Variants in TMEFF2 observed in about 807,000 individuals in gnomAD.
TMEFF2 encodes the protein tomoregulin-2.
TMEFF2 carries 28 observed loss-of-function variants against 53.8 expected under a neutral mutation model. The observed-to-expected ratio is 0.52, with a 90% confidence interval of 0.39 to 0.71. The LOEUF is 0.71. TMEFF2 is among the 30% of genes least tolerant of loss of function. The pLI, the probability that TMEFF2 is intolerant of heterozygous loss-of-function variation, is 0.00. For missense variants in TMEFF2, 353 were observed against 455.2 expected (o/e 0.78, Z 2.04); for synonymous variants, 162 against 166.3 (o/e 0.97, Z 0.20).
At chr2:192,134,339 C>T (rs1186079282) in intron 4 of TMEFF2, among the ~76,000 whole-genome samples, 1 of 152,116 alleles carries the variant, frequency 6.6e-6, no homozygotes, top group Non-Finnish European at 1.5e-5. Context: ...TGATGTTCAT[C>T]CCATTTCCCC....
At chr2:192,110,850 T>C (rs1007651432) in intron 4 of TMEFF2, among the ~76,000 whole-genome samples, 8 of 152,092 alleles carry the variant, frequency 5.3e-5, no homozygotes, top group Non-Finnish European at 1.0e-4. Flanking sequence ...GATAACTGAA[T>C]CATGGGGGCA....
In TMEFF2 at chr2:192,037,643, AAGAGAGAGAG is replaced by A. The variant is rs34986284; in HGVS notation, c.536+20026_536+20035del. ...GAGAGAGAGGAGAGAAAGAGAGAGA[AAGAGAGAGAG>A]AGAGAGAGAGAGAGAGAGACCTCTG... On this transcript the variant is annotated intron_variant, in intron 5 of 9. Transcript: ENST00000272771. 1.3e-3 allele frequency among the ~76,000 whole-genome samples: 186 copies of A among 143,248 alleles called. 1 individual carries two copies. Among genetic ancestry groups the A allele is most frequent in the East Asian group, 2.9e-3 (13 of 4,428 alleles). 94.0% of individuals were successfully genotyped at this position (143,248 alleles called of 152,430 possible). A position where few individuals can be genotyped will look rare whatever the true frequency, so the allele number is the denominator to read the frequency against.
intron 7 of TMEFF2, among the ~76,000 whole-genome samples, chr2:191,962,734 T>G (rs1487419896): frequency 1.3e-5 from 2 of 152,188 alleles, no homozygotes; most frequent in Non-Finnish European, 2.9e-5. Context: ...TAGTTAGAAA[T>G]CCTGGACCTC....
chr2:192,000,150 G>C (rs73035609), intron 5 of TMEFF2, among the ~76,000 whole-genome samples: 6,696 of 151,906 alleles, frequency 0.044, 399 homozygotes, highest in African/African-American at 0.14. Context: ...TGGTGTATGT[G>C]TACAACCATG....
At chr2:192,037,106 C>T (rs927768885) in intron 5 of TMEFF2, 1 of 151,902 alleles carries the variant, frequency 6.6e-6, no homozygotes, top group African/African-American at 2.4e-5. Flanking sequence ...AAATAAATAT[C>T]TCCTCATACT....
intron 4 of TMEFF2, among the ~76,000 whole-genome samples, chr2:192,149,666 T>A (rs1690338581): frequency 6.6e-6 from 1 of 151,960 alleles, no homozygotes; most frequent in South Asian, 2.1e-4. Context: ...AGCTCTAAAT[T>A]AAAGCTTATG....
At chr2:192,115,787 G>T (rs954704775) in intron 4 of TMEFF2, among the ~76,000 whole-genome samples, 1 of 151,954 alleles carries the variant, frequency 6.6e-6, no homozygotes, top group Non-Finnish European at 1.5e-5. Context: ...AACACAATGA[G>T]TATCACCTCA....
chr2:192,160,884 T>C (rs1346935113), intron 4 of TMEFF2, among the ~76,000 whole-genome samples: 1 of 152,166 alleles, frequency 6.6e-6, no homozygotes, highest in Non-Finnish European at 1.5e-5. Flanking sequence ...AAAGTTTATG[T>C]AGAGGAAAGA....
At position 191,956,459 on chromosome 2, in the gene TMEFF2, AT is replaced by A. The variant is rs911032379; in HGVS notation, c.746-82del. On this transcript the variant is annotated intron_variant, in intron 7 of 9. Coordinates refer to ENST00000272771, the MANE Select transcript of TMEFF2 (RefSeq NM_016192.4). ...AACCAGTACATTAAGAAGCAAAGCT[AT>A]GGTAGGCAAAGATATTTAAAAGGGC... The A allele has an allele frequency of 3.5e-6, 5 of 1,447,620 alleles. No homozygotes were observed. The African/African-American group carries it at 7.1e-5, about 21-fold the overall frequency. 89.7% of individuals were successfully genotyped at this position (1,447,620 alleles called of 1,614,324 possible).
chr2:191,957,303 T>C (rs956554511), intron 7 of TMEFF2, among the ~76,000 whole-genome samples: 1 of 152,210 alleles, frequency 6.6e-6, no homozygotes, highest in African/African-American at 2.4e-5. Context: ...TGAAATATGA[T>C]ATTCTTGAAA....
intron 5 of TMEFF2, among the ~76,000 whole-genome samples, chr2:192,048,647 T>C (rs1687685770): frequency 6.6e-6 from 1 of 152,180 alleles, no homozygotes; most frequent in Non-Finnish European, 1.5e-5. Context: ...AAGATACAGA[T>C]TAAAATCCAC....
chr2:192,101,890 AT>A (rs1689039296), intron 4 of TMEFF2, among the ~76,000 whole-genome samples: 1 of 152,202 alleles, frequency 6.6e-6, no homozygotes, highest in Admixed American at 6.5e-5. Context: ...TCCGGTGACG[AT>A]ACATGCTCTG....
Position 192,088,306 on chromosome 2 carries a change from A to C in TMEFF2, c.440-30531T>G, listed in dbSNP as rs577483436. Among the ~76,000 whole-genome samples the C allele has an allele frequency of 2.0e-3, 304 of 152,246 alleles. 2 individuals are homozygous for C. The highest frequency in any genetic ancestry group is 6.8e-3 in the Middle Eastern group (2 of 294). ...AGGGAGGTGGGAAAGGGAGTCTCAC[A>C]CTGCCTTTACTAACACTGACTATTT... On this transcript the variant is annotated intron_variant, in intron 4 of 9. Coordinates refer to ENST00000272771, the MANE Select transcript of TMEFF2 (RefSeq NM_016192.4).
chr2:191,972,659 T>A (rs1435525254), intron 7 of TMEFF2, among the ~76,000 whole-genome samples: 4 of 152,104 alleles, frequency 2.6e-5, no homozygotes, highest in Admixed American at 2.6e-4. Flanking sequence ...TACTTTTATT[T>A]CCCTTGTACC....
chr2:192,019,696 A>C (rs1033281390), intron 5 of TMEFF2, among the ~76,000 whole-genome samples: 8 of 151,618 alleles, frequency 5.3e-5, no homozygotes. Flanking sequence ...ATGATATATT[A>C]AAGTTTGCAC....
intron 4 of TMEFF2, among the ~76,000 whole-genome samples, chr2:192,116,730 T>C (rs1348474509): frequency 6.6e-6 from 1 of 151,916 alleles, no homozygotes; most frequent in Non-Finnish European, 1.5e-5. Flanking sequence ...TCTGAATCTT[T>C]GTGAGATGTG....
intron 4 of TMEFF2, among the ~76,000 whole-genome samples, chr2:192,095,105 G>A (rs888004366): frequency 6.6e-6 from 1 of 151,880 alleles, no homozygotes; most frequent in Non-Finnish European, 1.5e-5. Flanking sequence ...CCAATGACTA[G>A]TTTTTTTTGC....
chr2:192,044,722 C>T (rs894963539), intron 5 of TMEFF2, among the ~76,000 whole-genome samples: 9 of 152,106 alleles, frequency 5.9e-5, no homozygotes, highest in African/African-American at 1.7e-4. Flanking sequence ...AATCACAGTG[C>T]GGATCCTTAG....
chr2:192,140,221 C>G (rs1395662835), intron 4 of TMEFF2, among the ~76,000 whole-genome samples: 1 of 152,104 alleles, frequency 6.6e-6, no homozygotes. Flanking sequence ...ACATTGAGGA[C>G]AGAAGATGTT....
Sources: allele counts gnomAD v4.1 joint callset (sites outside exome capture counted in the v4.1 genomes callset), GRCh38; gene constraint gnomAD v4.1.1; transcripts MANE v1.5; gene names NCBI Gene and HGNC (gene_info 2026-07-23, HGNC 2026-07-21).